The following NLK variants were observed in gnomAD, a reference collection of about 807,000 sequenced individuals.
NLK encodes the protein nemo like kinase.
Under a neutral mutation model 59.0 loss-of-function variants are expected in NLK, and 11 were observed. That is an observed-to-expected ratio of 0.19 (90% CI 0.12 to 0.31). The LOEUF (loss-of-function observed/expected upper bound fraction) is 0.31, where lower values mean the gene tolerates loss of function less well. Among genes scored for constraint, NLK ranks in the 10% least tolerant of loss-of-function variants. NLK has a pLI of 1.00. For missense variants in NLK, 410 were observed against 661.1 expected (o/e 0.62, Z 4.16); for synonymous variants, 235 against 235.9 (o/e 1.00, Z 0.03).
chr17:28,074,821 G>C (rs145317337), intron 1 of NLK, among the ~76,000 whole-genome samples: 6 of 152,226 alleles, frequency 3.9e-5, no homozygotes, highest in African/African-American at 1.4e-4. Flanking sequence ...CTAGTGTAGC[G>C]GTTGGGATGA....
Position 28,172,551 on chromosome 17 carries a change from C to T in NLK, c.1082C>T (p.Ser361Leu). The change falls in exon 7 of 11, where the codon TCA becomes TTA. Residue 361 changes from serine (S) to leucine (L), a missense_variant. By Grantham distance (145) the Ser-to-Leu change is moderately radical (BLOSUM62 -2). Coordinates refer to ENST00000407008, the MANE Select transcript of NLK (RefSeq NM_016231.5). The part of the protein sequence containing the change: ...DLITDLLGTP[S>L]LEAMRTACEG... Reference sequence around the variant, plus strand: ...ATCACGGATCTGTTGGGCACACCATCACTGGAAGCAATGAGGACAGCTTGT... The same window carrying T: ...ATCACGGATCTGTTGGGCACACCATTACTGGAAGCAATGAGGACAGCTTGT... 1 of 1,596,406 alleles carries T rather than the reference C, an allele frequency of 6.3e-7. No homozygotes were observed. The highest frequency in any genetic ancestry group is 8.5e-7 in the Non-Finnish European group (1 of 1,172,126).
At chr17:28,089,456 A>G (rs532411900) in intron 1 of NLK, among the ~76,000 whole-genome samples, 1 of 151,346 alleles carries the variant, frequency 6.6e-6, no homozygotes, top group African/African-American at 2.4e-5. Context: ...GATATACTAT[A>G]GTTTTGTTGT....
chr17:28,082,542 G>A (rs1910384318), intron 1 of NLK, among the ~76,000 whole-genome samples: 2 of 152,180 alleles, frequency 1.3e-5, no homozygotes, highest in African/African-American at 4.8e-5. Context: ...CCCTGCCCTT[G>A]TGAATAGGAA....
intron 3 of NLK, among the ~76,000 whole-genome samples, chr17:28,146,404 T>TGAC (rs1216389987): frequency 2.0e-5 from 3 of 151,242 alleles, no homozygotes; most frequent in African/African-American, 4.9e-5. Flanking sequence ...ATGATGATGA[T>TGAC]GACGATGATG....
chr17:28,073,022 A>AT (rs938435619), intron 1 of NLK, among the ~76,000 whole-genome samples: 86 of 143,148 alleles, frequency 6.0e-4, no homozygotes, highest in Admixed American at 7.0e-4. Context: ...AGGGTATTAG[A>AT]TTTTTTTTTT....
Position 28,098,101 on chromosome 17 carries a change from A to G in NLK, c.459-24502A>G, listed in dbSNP as rs138743043. Among the ~76,000 whole-genome samples the G allele has an allele frequency of 5.9e-5, 9 of 152,284 alleles. No homozygotes were observed. In the East Asian group the frequency reaches 1.7e-3, roughly 29 times the overall value. On this transcript the variant is annotated intron_variant, in intron 1 of 10. Coordinates refer to ENST00000407008, the MANE Select transcript of NLK (RefSeq NM_016231.5). ...GCCCTTTTCTTTTTATAGATAAGGG[A>G]ACTGAGACCCAGATAATATAAACCT...
chr17:28,064,418 G>A (rs1041045952), intron 1 of NLK, among the ~76,000 whole-genome samples: 1 of 152,046 alleles, frequency 6.6e-6, no homozygotes, highest in Non-Finnish European at 1.5e-5. Context: ...AAAGTGTTGG[G>A]ATTATATAGG....
At chr17:28,114,576 T>C (rs1162341651) in intron 1 of NLK, among the ~76,000 whole-genome samples, 1 of 152,218 alleles carries the variant, frequency 6.6e-6, no homozygotes, top group African/African-American at 2.4e-5. Flanking sequence ...AATATATCAA[T>C]ATTTTCCAGT....
chr17:28,059,485 C>T (rs1428213374), intron 1 of NLK, among the ~76,000 whole-genome samples: 1 of 151,982 alleles, frequency 6.6e-6, no homozygotes, highest in African/African-American at 2.4e-5. Flanking sequence ...GTACTGTGAT[C>T]TATGTTAGAA....
chr17:28,194,291 A>G (rs767073126), intron 10 of NLK, among the ~76,000 whole-genome samples: 3 of 152,230 alleles, frequency 2.0e-5, no homozygotes, highest in Non-Finnish European at 4.4e-5. Flanking sequence ...GGTAAACAGC[A>G]TTATTTCTTT....
chr17:28,061,992 C>T (rs1388030505), intron 1 of NLK: 1 of 147,670 alleles, frequency 6.8e-6, no homozygotes, highest in Non-Finnish European at 1.5e-5. Flanking sequence ...CAAGCAGTTG[C>T]TTCCTCTTGC....
At chr17:28,122,762 A>G (rs754490845) in intron 2 of NLK, 30 bp downstream of exon 2, 12 of 1,612,554 alleles carry the variant, frequency 7.4e-6, no homozygotes, top group African/African-American at 1.3e-5. Flanking sequence ...GGGGGAAACT[A>G]TTTCCTAAGC....
intron 3 of NLK, among the ~76,000 whole-genome samples, chr17:28,152,500 T>G: frequency 6.6e-6 from 1 of 152,202 alleles, no homozygotes; most frequent in South Asian, 2.1e-4. Flanking sequence ...TGTAGATATG[T>G]GAAGCAGAAT....
rs1024965367 is a variant in NLK at position 28,133,951 on chromosome 17, C to T, written c.644+1276C>T. 2.0e-5 allele frequency among the ~76,000 whole-genome samples: 3 copies of T among 151,878 alleles called. No homozygotes were observed. In the South Asian group the frequency reaches 6.3e-4, roughly 32 times the overall value. On this transcript the variant is annotated intron_variant, in intron 3 of 10. Coordinates refer to ENST00000407008, the MANE Select transcript of NLK (RefSeq NM_016231.5). Reference sequence around the variant, plus strand: ...TAAGCTGGGTAAGGATTTGGGAAACCTTATATGGTAATAGAATTGTCACTG... The same window carrying T: ...TAAGCTGGGTAAGGATTTGGGAAACTTTATATGGTAATAGAATTGTCACTG...
intron 1 of NLK, among the ~76,000 whole-genome samples, chr17:28,098,194 T>C (rs908212681): frequency 1.3e-5 from 2 of 152,182 alleles, no homozygotes; most frequent in Admixed American, 1.3e-4. Flanking sequence ...AGTAAACAAT[T>C]AAAATAACTG....
At chr17:28,110,366 ATTTATCATATTGTTG>A (rs1457960107) in intron 1 of NLK, among the ~76,000 whole-genome samples, 1 of 151,800 alleles carries the variant, frequency 6.6e-6, no homozygotes, top group African/African-American at 2.4e-5. Flanking sequence ...GAAGTCAGTC[ATTTATCATATTGTTG>A]TTTTTCTCTT....
the NLK span, among the ~76,000 whole-genome samples, chr17:28,202,231 TA>T: frequency 1.3e-5 from 2 of 152,280 alleles, no homozygotes; most frequent in East Asian, 3.9e-4. Context: ...ACCCTGTCTC[TA>T]AAAAAATTTT....
intron 1 of NLK, chr17:28,049,011 A>ACAGGT (rs577336226): frequency 1.1e-3 from 172 of 152,368 alleles, no homozygotes; most frequent in African/African-American, 3.9e-3. Flanking sequence ...GCCATCTAAT[A>ACAGGT]CAGGTCAACA....
intron 1 of NLK, among the ~76,000 whole-genome samples, chr17:28,076,547 C>T (rs1910163974): frequency 6.6e-6 from 1 of 152,154 alleles, no homozygotes; most frequent in African/African-American, 2.4e-5. Flanking sequence ...ACATTCAGTC[C>T]AAAGCAGTTC....
Sources: allele counts gnomAD v4.1 joint callset (sites outside exome capture counted in the v4.1 genomes callset), GRCh38; gene constraint gnomAD v4.1.1; transcripts MANE v1.5; gene names NCBI Gene and HGNC (gene_info 2026-07-23, HGNC 2026-07-21).